Variants in KIF6 observed in about 807,000 individuals in gnomAD.
KIF6 encodes the protein kinesin family member 6, also known as kinesin-like protein KIF6.
KIF6 carries 106 observed loss-of-function variants against 112.7 expected under a neutral mutation model. The ratio of observed to expected loss-of-function variants is 0.94; its 90% confidence interval spans 0.80 to 1.11. The LOEUF (loss-of-function observed/expected upper bound fraction) is 1.11. Among genes scored for constraint, KIF6 ranks in the 50% least tolerant of loss-of-function variants. The pLI is 0.00. For synonymous variants in KIF6, 339 were observed against 339.9 expected (o/e 1.00, Z 0.03); for missense variants, 929 against 964.0 (o/e 0.96, Z 0.48).
chr6:39,356,420 C>T (rs900174258), intron 19 of KIF6, among the ~76,000 whole-genome samples: 3 of 152,060 alleles, frequency 2.0e-5, no homozygotes, highest in Non-Finnish European at 2.9e-5. Context: ...CGTGTGCCAC[C>T]GCACCTGGCT....
intron 4 of KIF6, 109 bp from the exon 5 acceptor site, chr6:39,635,067 C>A: frequency 1.5e-6 from 1 of 669,204 alleles, no homozygotes; most frequent in Non-Finnish European, 2.7e-6. Context: ...CTCTTTTTCT[C>A]TCACTTTATA....
intron 3 of KIF6, among the ~76,000 whole-genome samples, chr6:39,685,461 T>C (rs377131172): frequency 9.5e-4 from 144 of 152,252 alleles, no homozygotes; most frequent in African/African-American, 2.9e-3. Flanking sequence ...GGGAAGGGAA[T>C]GTAGGAAGTT....
intron 15 of KIF6, among the ~76,000 whole-genome samples, chr6:39,418,034 T>G (rs778454922): frequency 2.1e-5 from 3 of 142,056 alleles, no homozygotes; most frequent in Non-Finnish European, 4.6e-5. Flanking sequence ...AAGTAGACTA[T>G]CACTGCCCAC....
At chr6:39,544,438 A>C (rs1778957162) in intron 12 of KIF6, 117 bp downstream of exon 12, 2 of 1,041,934 alleles carry the variant, frequency 1.9e-6, no homozygotes, top group South Asian at 2.2e-5. Context: ...CAATGGAAAG[A>C]AGCAATGTGA....
At chr6:39,349,631 CTTTTTTTTTTTTTTTT>C (rs58810898) in intron 19 of KIF6, among the ~76,000 whole-genome samples, 13 of 64,564 alleles carry the variant, frequency 2.0e-4, no homozygotes, top group South Asian at 7.3e-4. Context: ...ATTTGTGGCT[CTTTTTTTTTTTTTTTT>C]TTTTTTTTTT....
chr6:39,358,259 G>T (rs1764864317), intron 18 of KIF6, among the ~76,000 whole-genome samples: 1 of 152,224 alleles, frequency 6.6e-6, no homozygotes, highest in Admixed American at 6.5e-5. Context: ...TATCCTCCCA[G>T]AAGGCTATCC....
chr6:39,417,951 A>C (rs1770043205), intron 15 of KIF6, among the ~76,000 whole-genome samples: 1 of 152,086 alleles, frequency 6.6e-6, no homozygotes, highest in African/African-American at 2.4e-5. Flanking sequence ...CCTTGAGGTA[A>C]GAGGATGCTG....
chr6:39,400,565 T>C (rs1459347430), intron 15 of KIF6, among the ~76,000 whole-genome samples: 2 of 152,230 alleles, frequency 1.3e-5, no homozygotes, highest in African/African-American at 4.8e-5. Flanking sequence ...TAAAGGAATC[T>C]AAAGATTTTT....
At chr6:39,722,897 C>A (rs1381782607) in intron 1 of KIF6, among the ~76,000 whole-genome samples, 1 of 152,136 alleles carries the variant, frequency 6.6e-6, no homozygotes, top group Non-Finnish European at 1.5e-5. Flanking sequence ...CAAAGACATA[C>A]AAAATGAGGT....
chr6:39,690,842 G>A (rs1424645319), intron 3 of KIF6: 2 of 152,300 alleles, frequency 1.3e-5, no homozygotes, highest in Non-Finnish European at 2.9e-5. Flanking sequence ...GCTGCAGGCA[G>A]AGGAAAATGC....
Position 39,343,524 on chromosome 6 carries a change from G to T in KIF6, c.2428+185C>A. On this transcript the variant is annotated intron_variant, in intron 22 of 22. Coordinates refer to ENST00000287152, the MANE Select transcript of KIF6 (RefSeq NM_145027.6). The surrounding 1 kb of genome is among the most constrained non-coding windows in gnomAD (Gnocchi z 4.1). ...TTGGGCCTGTCTTGGTGTTTCTGATGCTGCCCCTTGAGGCTTTCTCGAGAA... is the reference window on the plus strand; with the variant it reads ...TTGGGCCTGTCTTGGTGTTTCTGATTCTGCCCCTTGAGGCTTTCTCGAGAA... The T allele has an allele frequency of 6.9e-7, 1 of 1,447,990 alleles. No homozygotes were observed. The highest frequency in any genetic ancestry group is 1.4e-5 in the African/African-American group (1 of 71,040). The allele number at this position is 1,447,990 out of a possible 1,614,324, so 89.7% of individuals were successfully genotyped here. A position where few individuals can be genotyped will look rare whatever the true frequency, so the allele number is the denominator to read the frequency against.
chr6:39,712,720 C>T (rs1303091712), intron 3 of KIF6, among the ~76,000 whole-genome samples: 1 of 152,112 alleles, frequency 6.6e-6, no homozygotes, highest in Non-Finnish European at 1.5e-5. Flanking sequence ...CCAAACACCG[C>T]ATGTTCTCAC....
intron 13 of KIF6, among the ~76,000 whole-genome samples, chr6:39,467,988 A>T (rs1773895756): frequency 1.3e-5 from 2 of 152,216 alleles, no homozygotes; most frequent in Non-Finnish European, 2.9e-5. Context: ...GCAATGCCTC[A>T]TCAAATAGAG....
At chr6:39,718,980 A>T (rs1790037453) in intron 2 of KIF6, among the ~76,000 whole-genome samples, 1 of 152,166 alleles carries the variant, frequency 6.6e-6, no homozygotes, top group South Asian at 2.1e-4. Context: ...TATGAAGACC[A>T]AGGAGAAATT....
rs115159698 is a variant in KIF6, at chr6:39,501,077, C to G, written c.1645+38926G>C. Among the ~76,000 whole-genome samples the G allele has an allele frequency of 9.2e-3, 1,402 of 152,132 alleles. 22 individuals are homozygous for G. The highest frequency in any genetic ancestry group is 0.032 in the African/African-American group (1,340 of 41,490). On this transcript the variant is annotated intron_variant, in intron 13 of 22. Transcript: ENST00000287152. ...GACTGATCAGGGAAACAACTAGACC[C>G]ATGAAGAATGAAGAAAAGGGTGACG...
intron 16 of KIF6, among the ~76,000 whole-genome samples, chr6:39,372,758 A>G (rs1008673526): frequency 1.3e-5 from 2 of 152,236 alleles, no homozygotes; most frequent in African/African-American, 4.8e-5. Flanking sequence ...TCTCCTGGGC[A>G]GGCTCCTGGC....
At chr6:39,584,814 T>G in intron 9 of KIF6, 84 bp downstream of exon 9, 1 of 807,046 alleles carries the variant, frequency 1.2e-6, no homozygotes, top group Non-Finnish European at 2.1e-6. Flanking sequence ...ACATTCCCAG[T>G]ACAGAGCAAG....
At chr6:39,383,994 T>G (rs1324320011) in intron 16 of KIF6, among the ~76,000 whole-genome samples, 3 of 152,238 alleles carry the variant, frequency 2.0e-5, no homozygotes, top group Non-Finnish European at 4.4e-5. Context: ...GTACATTCAT[T>G]TTGTATCCTG....
chr6:39,636,485 G>C (rs1028928152), intron 4 of KIF6, among the ~76,000 whole-genome samples: 1 of 151,972 alleles, frequency 6.6e-6, no homozygotes, highest in Non-Finnish European at 1.5e-5. Context: ...TAGTATCCTA[G>C]TTTAGTAAAG....
Sources: gnomAD v4.1 joint callset for allele counts (sites outside exome capture counted in the v4.1 genomes callset) on GRCh38, gnomAD v4.1.1 for gene constraint, Gnocchi (gnomAD v3.1) non-coding constraint, MANE v1.5 for transcripts, NCBI Gene and HGNC (gene_info 2026-07-23, HGNC 2026-07-21) for gene names.